The following SUMF1 variants were observed in gnomAD, a reference collection of about 807,000 sequenced individuals.
SUMF1 encodes formylglycine-generating enzyme.
In SUMF1, 48 loss-of-function variants were observed where a neutral mutation model predicts 47.6. That is an observed-to-expected ratio of 1.01 (90% confidence interval 0.80 to 1.28). The LOEUF is 1.28. Among genes scored for constraint, SUMF1 ranks in the 50% most tolerant of loss-of-function variants. The pLI is 0.00. For missense variants in SUMF1, 571 were observed against 485.4 expected (o/e 1.18, Z -1.66); for synonymous variants, 230 against 192.1 (o/e 1.20, Z -1.63).
chr3:4,316,467 C>A (rs1159299184), intron 8 of SUMF1: 4 of 1,604,558 alleles, frequency 2.5e-6, no homozygotes, highest in Non-Finnish European at 3.4e-6. Context: ...AGCTGATCCC[C>A]TTACAACTAC....
chr3:4,239,633 T>A (rs543451076), intron 8 of SUMF1, among the ~76,000 whole-genome samples: 19 of 152,314 alleles, frequency 1.2e-4, no homozygotes, highest in African/African-American at 4.6e-4. Context: ...ATCCTGAGAC[T>A]TTGCTGAAGT....
At chr3:4,061,086 A>C (rs1212172194) in intron 9 of SUMF1, among the ~76,000 whole-genome samples, 2 of 152,150 alleles carry the variant, frequency 1.3e-5, no homozygotes, top group African/African-American at 4.8e-5. Context: ...CAGACAAATT[A>C]ACTTTACCAG....
downstream of SUMF1, among the ~76,000 whole-genome samples, chr3:4,358,810 T>C (rs1025339745): frequency 2.6e-5 from 4 of 152,158 alleles, no homozygotes; most frequent in African/African-American, 9.7e-5. Context: ...TTTTTTACTT[T>C]TGATGGACGT....
intron 3 of SUMF1, among the ~76,000 whole-genome samples, chr3:4,439,856 A>G (rs1702522492): frequency 6.6e-6 from 1 of 151,804 alleles, no homozygotes; most frequent in Non-Finnish European, 1.5e-5. Context: ...CCCAGCCAAG[A>G]AAAAAAACTC....
intron 8 of SUMF1, among the ~76,000 whole-genome samples, chr3:4,160,729 G>A (rs543777470): frequency 2.0e-5 from 3 of 151,902 alleles, no homozygotes; most frequent in South Asian, 2.1e-4. Context: ...CCTTCTCTGT[G>A]TTATCTCTAA....
At chr3:4,241,663 C>T (rs1487578020) in intron 8 of SUMF1, among the ~76,000 whole-genome samples, 1 of 152,116 alleles carries the variant, frequency 6.6e-6, no homozygotes, top group South Asian at 2.1e-4. Flanking sequence ...AATGAAGCAG[C>T]AGCGTTGTCT....
At chr3:4,122,445 T>A (rs928156039) in intron 8 of SUMF1, among the ~76,000 whole-genome samples, 1 of 152,088 alleles carries the variant, frequency 6.6e-6, no homozygotes, top group Non-Finnish European at 1.5e-5. Context: ...AGAATTTTAT[T>A]TGGGGATCAT....
At chr3:4,444,882 T>A (rs570721815) in intron 3 of SUMF1, among the ~76,000 whole-genome samples, 3 of 152,272 alleles carry the variant, frequency 2.0e-5, no homozygotes, top group African/African-American at 7.2e-5. Flanking sequence ...TACTAGAGCT[T>A]CTTAAAGAAA....
intron 7 of SUMF1, among the ~76,000 whole-genome samples, chr3:4,400,471 A>G (rs1701175320): frequency 6.6e-6 from 1 of 152,230 alleles, no homozygotes; most frequent in Admixed American, 6.5e-5. Context: ...TATGTTTGCC[A>G]CTATCACACA....
At position 4,434,936 on chromosome 3, in the gene SUMF1, A is replaced by T. The variant is rs908487458; in HGVS notation, c.519+14330T>A. Among the ~76,000 whole-genome samples, 9 of 152,100 alleles carry T rather than the reference A, an allele frequency of 5.9e-5. No individual in the cohort carries two copies. In the East Asian group the frequency reaches 9.6e-4, roughly 16 times the overall value. ...GGAATTATCAAAGACTTTATTTTTT[A>T]AATTTTCTTGAGACACACTTTCACT... On this transcript the variant is annotated intron_variant, in intron 3 of 8. Coordinates refer to ENST00000272902, the MANE Select transcript of SUMF1 (RefSeq NM_182760.4).
rs73809303 is a variant in SUMF1 at position 4,096,698 on chromosome 3, A to G, written c.1015-27953T>C. Among the ~76,000 whole-genome samples the G allele has an allele frequency of 6.5e-3, 992 of 152,298 alleles. 20 individuals are homozygous for G. The highest frequency in any genetic ancestry group is 0.023 in the African/African-American group (953 of 41,536). ...AAATTAGGAGGAGACATGAATCTGT[A>G]AAGATAAAGCAAGAAAAACTCTGGT... On this transcript the variant is annotated intron_variant and NMD_transcript_variant, in intron 8 of 12. Transcript: ENST00000448413.
At chr3:4,415,340 A>G (rs1434822717) in intron 6 of SUMF1, among the ~76,000 whole-genome samples, 1 of 152,214 alleles carries the variant, frequency 6.6e-6, no homozygotes, top group African/African-American at 2.4e-5. Context: ...GCTCATTTCA[A>G]ATGAGCATAT....
At chr3:4,283,560 G>A (rs1344990137) in intron 8 of SUMF1, among the ~76,000 whole-genome samples, 1 of 152,172 alleles carries the variant, frequency 6.6e-6, no homozygotes, top group East Asian at 1.9e-4. Context: ...AATACCTTTG[G>A]AGGGATCAGT....
At chr3:4,212,369 G>C (rs999266771) in intron 8 of SUMF1, among the ~76,000 whole-genome samples, 2 of 151,970 alleles carry the variant, frequency 1.3e-5, no homozygotes, top group East Asian at 1.9e-4. Flanking sequence ...CTAACAAAAA[G>C]AAAGGAATAG....
chr3:4,309,387 T>C (rs1489680896), intron 8 of SUMF1, among the ~76,000 whole-genome samples: 1 of 152,192 alleles, frequency 6.6e-6, no homozygotes, highest in African/African-American at 2.4e-5. Context: ...TCAGGGGATT[T>C]AGAATTTTAT....
intron 8 of SUMF1, among the ~76,000 whole-genome samples, chr3:4,138,488 CT>C (rs1693996241): frequency 6.6e-6 from 1 of 152,086 alleles, no homozygotes; most frequent in African/African-American, 2.4e-5. Context: ...TTAGCCTGAC[CT>C]TCCAGAAGGG....
chr3:4,418,402 T>C (rs1386136183), intron 4 of SUMF1, among the ~76,000 whole-genome samples: 1 of 152,186 alleles, frequency 6.6e-6, no homozygotes, highest in East Asian at 1.9e-4. Flanking sequence ...CAGAATGTCA[T>C]TGGTATGGCA....
intron 8 of SUMF1, among the ~76,000 whole-genome samples, chr3:4,348,160 A>G (rs757810052): frequency 2.0e-4 from 31 of 152,348 alleles, no homozygotes; most frequent in Admixed American, 3.9e-4. Flanking sequence ...CATTCTTCAC[A>G]GAATTAGAAA....
rs79825334 is a variant in SUMF1, at chr3:4,384,543, T to G, written c.955-8154A>C. On this transcript the variant is annotated intron_variant, in intron 7 of 8. Transcript: ENST00000272902. ...CTTCCCACTCCTATAATTTTGTCAT[T>G]TCAAGAATGTTATATTAATATAAGT... 7.0e-3 allele frequency among the ~76,000 whole-genome samples: 1,069 copies of G among 152,298 alleles called. 16 individuals carry two copies. The highest frequency in any genetic ancestry group is 0.025 in the African/African-American group (1,042 of 41,564).
Sources: gnomAD v4.1 joint callset for allele counts (sites outside exome capture counted in the v4.1 genomes callset) on GRCh38, gnomAD v4.1.1 for gene constraint, MANE v1.5 for transcripts, NCBI Gene and HGNC (gene_info 2026-07-23, HGNC 2026-07-21) for gene names.